The following CMTM7 variants were observed in gnomAD, a reference collection of about 807,000 sequenced individuals.
The protein encoded by CMTM7 is CKLF like MARVEL transmembrane domain containing 7.
In CMTM7, 7 loss-of-function variants were observed where a neutral mutation model predicts 19.3. That is an observed-to-expected ratio of 0.36 (90% confidence interval 0.21 to 0.68). The LOEUF is 0.68. Ranked by LOEUF, CMTM7 falls within the 30% of genes least tolerant of loss-of-function variation. CMTM7 has a pLI of 0.60. For missense variants in CMTM7, 193 were observed against 232.6 expected (o/e 0.83, Z 1.11); for synonymous variants, 87 against 99.3 (o/e 0.88, Z 0.74).
At chr3:32,413,863 C>A (rs189343750) in intron 1 of CMTM7, among the ~76,000 whole-genome samples, 1 of 152,128 alleles carries the variant, frequency 6.6e-6, no homozygotes, top group Non-Finnish European at 1.5e-5. Context: ...GGCATTCATC[C>A]GCCGCAGGTT....
chr3:32,418,750 G>A (rs58815854), intron 1 of CMTM7, among the ~76,000 whole-genome samples: 5,871 of 152,118 alleles, frequency 0.039, 374 homozygotes, highest in African/African-American at 0.13. Context: ...TGCTGCATTC[G>A]TCTATTTGTC....
intron 1 of CMTM7, among the ~76,000 whole-genome samples, chr3:32,404,090 A>G (rs1397665265): frequency 6.7e-6 from 1 of 148,386 alleles, no homozygotes; most frequent in Non-Finnish European, 1.5e-5. Flanking sequence ...CTGCTCTATT[A>G]TGTCTGCTGA....
chr3:32,450,241 A>G (rs751221334), intron 3 of CMTM7, among the ~76,000 whole-genome samples: 5 of 152,134 alleles, frequency 3.3e-5, no homozygotes, highest in Non-Finnish European at 7.4e-5. Flanking sequence ...TGCTTCACTG[A>G]TGAGCAGACA....
chr3:32,432,425 C>T (rs1040623742), intron 1 of CMTM7, among the ~76,000 whole-genome samples: 1 of 152,218 alleles, frequency 6.6e-6, no homozygotes. Context: ...CCTCTCTATG[C>T]TGTTCACTTT....
intron 1 of CMTM7, among the ~76,000 whole-genome samples, chr3:32,401,246 T>C (rs1366189795): frequency 1.3e-5 from 2 of 152,352 alleles, no homozygotes; most frequent in East Asian, 1.9e-4. Context: ...GCCTTACCTA[T>C]TCAGGCTGCA....
intron 1 of CMTM7, among the ~76,000 whole-genome samples, chr3:32,423,884 A>G (rs961599637): frequency 2.6e-5 from 4 of 152,178 alleles, no homozygotes; most frequent in African/African-American, 9.7e-5. Flanking sequence ...TGTCCTCTGG[A>G]TAGATTTCAG....
chr3:32,398,812 G>T (rs933386138), intron 1 of CMTM7, among the ~76,000 whole-genome samples: 2 of 151,790 alleles, frequency 1.3e-5, no homozygotes, highest in African/African-American at 2.4e-5. Flanking sequence ...GGTGAAACCC[G>T]GTCTCTACAA....
At chr3:32,416,891 G>A (rs1375071754) in intron 1 of CMTM7, among the ~76,000 whole-genome samples, 1 of 152,184 alleles carries the variant, frequency 6.6e-6, no homozygotes, top group African/African-American at 2.4e-5. Flanking sequence ...TAAGGGCTGG[G>A]ACCTCTGAAT....
chr3:32,429,674 C>T (rs930917216), intron 1 of CMTM7, among the ~76,000 whole-genome samples: 5 of 150,154 alleles, frequency 3.3e-5, no homozygotes, highest in South Asian at 4.2e-4. Context: ...GATCTTGGCT[C>T]ACTGCAAGCT....
chr3:32,429,033 A>C (rs953249587), intron 1 of CMTM7, among the ~76,000 whole-genome samples: 1 of 152,182 alleles, frequency 6.6e-6, no homozygotes, highest in African/African-American at 2.4e-5. Flanking sequence ...AATGTGAACT[A>C]TTGCACTTTC....
At chr3:32,452,494 C>A (rs375643299) in intron 4 of CMTM7, 21 bp downstream of exon 4, 1 of 1,607,936 alleles carries the variant, frequency 6.2e-7, no homozygotes, top group South Asian at 1.1e-5. Flanking sequence ...GTTATCTGTG[C>A]ACAGAGGATC....
At chr3:32,428,815 T>C (rs927384980) in intron 1 of CMTM7, among the ~76,000 whole-genome samples, 2 of 152,214 alleles carry the variant, frequency 1.3e-5, no homozygotes, top group Non-Finnish European at 2.9e-5. Context: ...GAGACTTAGA[T>C]GAGCTGTGTT....
intron 1 of CMTM7, among the ~76,000 whole-genome samples, chr3:32,435,465 G>A (rs1007704640): frequency 3.3e-5 from 5 of 152,214 alleles, no homozygotes; most frequent in African/African-American, 7.2e-5. Flanking sequence ...TCTTTGCAGC[G>A]CTGTTTGTAT....
chr3:32,450,319 G>GT (rs1696811651), intron 3 of CMTM7, among the ~76,000 whole-genome samples: 1 of 152,116 alleles, frequency 6.6e-6, no homozygotes, highest in South Asian at 2.1e-4. Context: ...TGCACCTGTA[G>GT]TCCCAGGCAC....
At chr3:32,422,871 C>T (rs897159501) in intron 1 of CMTM7, among the ~76,000 whole-genome samples, 1 of 152,154 alleles carries the variant, frequency 6.6e-6, no homozygotes, top group Non-Finnish European at 1.5e-5. Context: ...TAGTACAAAG[C>T]CTATTTGGTA....
At chr3:32,439,152 T>C (rs939634384) in intron 1 of CMTM7, among the ~76,000 whole-genome samples, 5 of 152,320 alleles carry the variant, frequency 3.3e-5, no homozygotes, top group Middle Eastern at 3.4e-3. Context: ...AATCATTATA[T>C]CACCATGGCT....
intron 1 of CMTM7, among the ~76,000 whole-genome samples, chr3:32,424,422 T>C (rs1696394803): frequency 6.6e-6 from 1 of 152,184 alleles, no homozygotes; most frequent in South Asian, 2.1e-4. Context: ...CAGATTATAC[T>C]TCCTGATGGG....
chr3:32,415,768 A>G (rs1011215639), intron 1 of CMTM7, among the ~76,000 whole-genome samples: 26 of 152,284 alleles, frequency 1.7e-4, no homozygotes, highest in African/African-American at 5.3e-4. Flanking sequence ...TTGCTATTCC[A>G]TATTCATAAT....
At chr3:32,408,638 C>G (rs1444688177) in intron 1 of CMTM7, among the ~76,000 whole-genome samples, 2 of 152,190 alleles carry the variant, frequency 1.3e-5, no homozygotes, top group Admixed American at 1.3e-4. Flanking sequence ...TCCAAAGAAG[C>G]ATTGCTTCTA....
Sources: gnomAD v4.1 joint callset for allele counts (sites outside exome capture counted in the v4.1 genomes callset) on GRCh38, gnomAD v4.1.1 for gene constraint, MANE v1.5 for transcripts, NCBI Gene and HGNC (gene_info 2026-07-23, HGNC 2026-07-21) for gene names.